Variants in ARHGAP24 observed in about 807,000 individuals in gnomAD.
ARHGAP24 encodes rho GTPase-activating protein 24.
In ARHGAP24, 50 loss-of-function variants were observed where a neutral mutation model predicts 76.4. The ratio of observed to expected loss-of-function variants is 0.65; its 90% CI spans 0.52 to 0.83. The LOEUF (loss-of-function observed/expected upper bound fraction) is 0.83. ARHGAP24 is among the 40% of genes least tolerant of loss of function. The pLI is 0.00. For missense variants in ARHGAP24, 930 were observed against 914.2 expected (o/e 1.02, Z -0.22); for synonymous variants, 345 against 323.3 (o/e 1.07, Z -0.72).
At chr4:85,610,885 G>A (rs114312908) in intron 2 of ARHGAP24, among the ~76,000 whole-genome samples, 2,808 of 152,172 alleles carry the variant, frequency 0.018, 40 homozygotes, top group Middle Eastern at 0.068. Flanking sequence ...TGGATTTGTC[G>A]AGGCTCTTGG....
At chr4:85,478,702 C>T (rs1283347519) in intron 1 of ARHGAP24, among the ~76,000 whole-genome samples, 1 of 152,086 alleles carries the variant, frequency 6.6e-6, no homozygotes, top group Non-Finnish European at 1.5e-5. Flanking sequence ...ACAAGGTCTC[C>T]TCACTGTTCA....
At chr4:85,907,664 G>A (rs1734843599) in intron 3 of ARHGAP24, among the ~76,000 whole-genome samples, 1 of 152,066 alleles carries the variant, frequency 6.6e-6, no homozygotes, top group Non-Finnish European at 1.5e-5. Flanking sequence ...TGCTTATATT[G>A]GGATTAGAAA....
At position 85,541,142 on chromosome 4, in the gene ARHGAP24, C is replaced by CTTTTTTTTT. The variant is rs70948733; in HGVS notation, c.-20-29359_-20-29351dup. 6.2e-4 allele frequency among the ~76,000 whole-genome samples: 31 copies of CTTTTTTTTT among 49,774 alleles called. 5 individuals are homozygous for CTTTTTTTTT. The highest frequency in any genetic ancestry group is 6.6e-4 in the Non-Finnish European group (21 of 31,852). 32.7% of individuals were successfully genotyped at this position (49,774 alleles called of 152,430 possible). A position where few individuals can be genotyped will look rare whatever the true frequency, so the allele number is the denominator to read the frequency against. On this transcript the variant is annotated intron_variant, in intron 1 of 9. Coordinates refer to ENST00000395184, the MANE Select transcript of ARHGAP24 (RefSeq NM_001025616.3). The stretch of plus-strand genomic sequence containing the variant: ...TGTGTCTTCTGCTAGCATCCATGAC[C>CTTTTTTTTT]TTTTTTTTTTTTTTTTTTTTTTTTT...
chr4:85,710,484 A>G (rs1724485699), intron 2 of ARHGAP24, among the ~76,000 whole-genome samples: 1 of 152,210 alleles, frequency 6.6e-6, no homozygotes, highest in Admixed American at 6.5e-5. Flanking sequence ...ATTAAACTAA[A>G]CAGCTTCTGC....
At chr4:85,939,081 G>T (rs1003341570) in intron 4 of ARHGAP24, among the ~76,000 whole-genome samples, 2 of 152,124 alleles carry the variant, frequency 1.3e-5, no homozygotes, top group Non-Finnish European at 2.9e-5. Context: ...CAAGTTACTT[G>T]ACCTTTCTGT....
In ARHGAP24 at chr4:85,691,319, C is replaced by T. The variant is rs528918452; in HGVS notation, c.181-30566C>T. 2.4e-4 allele frequency among the ~76,000 whole-genome samples: 36 copies of T among 152,080 alleles called. No homozygotes were observed. The South Asian group carries it at 6.0e-3, about 25-fold the overall frequency. ...ATATGCAGATGAGAAGAATGTATAT[C>T]CTATGGTTATTGGGTGTAGTGTTCT... On this transcript the variant is annotated intron_variant, in intron 2 of 9. Transcript: ENST00000395184.
chr4:85,974,055 A>G (rs1739177447), intron 6 of ARHGAP24, among the ~76,000 whole-genome samples: 1 of 137,078 alleles, frequency 7.3e-6, no homozygotes, highest in Non-Finnish European at 1.6e-5. Context: ...TGGGGGTTTC[A>G]CCTTGTTAGC....
intron 2 of ARHGAP24, among the ~76,000 whole-genome samples, chr4:85,687,378 A>C (rs553708940): frequency 6.6e-6 from 1 of 152,266 alleles, no homozygotes; most frequent in African/African-American, 2.4e-5. Flanking sequence ...TCACCCAGGT[A>C]ATAAGCATAG....
At chr4:85,733,062 T>TTTTTTA (rs1725474533) in intron 3 of ARHGAP24, among the ~76,000 whole-genome samples, 1 of 92,578 alleles carries the variant, frequency 1.1e-5, no homozygotes, top group Non-Finnish European at 2.2e-5. Context: ...CTCACCAACT[T>TTTTTTA]TTTTTTTTTT....
chr4:85,967,457 T>C (rs1738685077), intron 5 of ARHGAP24, among the ~76,000 whole-genome samples: 1 of 152,088 alleles, frequency 6.6e-6, no homozygotes, highest in Admixed American at 6.6e-5. Context: ...ATTAAGTCAA[T>C]CATAGGAAGC....
chr4:85,967,132 A>G lies in ARHGAP24; in HGVS notation c.600-4904A>G, dbSNP rs147199687. On this transcript the variant is annotated intron_variant, in intron 5 of 9. Transcript: ENST00000395184. ...CCTTGTTCAGATTAATAAGAGGCCT[A>G]TGTTGCACCTAGATGATAAGTAGGA... 5.6e-4 allele frequency among the ~76,000 whole-genome samples: 85 copies of G among 152,228 alleles called. 1 individual carries two copies. Among genetic ancestry groups the G allele is most frequent in the African/African-American group, 1.9e-3 (81 of 41,560 alleles).
At chr4:85,480,055 C>T (rs1407512779) in intron 1 of ARHGAP24, among the ~76,000 whole-genome samples, 1 of 152,132 alleles carries the variant, frequency 6.6e-6, no homozygotes, top group South Asian at 2.1e-4. Flanking sequence ...AATTACATAA[C>T]TGGAAATGTA....
intron 2 of ARHGAP24, among the ~76,000 whole-genome samples, chr4:85,586,811 T>C (rs1727881523): frequency 6.6e-6 from 1 of 152,052 alleles, no homozygotes; most frequent in Non-Finnish European, 1.5e-5. Flanking sequence ...GGCAGGAGAA[T>C]CGCTTGAACC....
intron 1 of ARHGAP24, among the ~76,000 whole-genome samples, chr4:85,487,248 A>G (rs1159092820): frequency 7.8e-6 from 1 of 127,602 alleles, no homozygotes; most frequent in African/African-American, 3.0e-5. Context: ...TATAGTAAAT[A>G]TATATTTATT....
rs986234673 is a variant in ARHGAP24, at chr4:85,733,315, G to A, written c.268+11343G>A. Among the ~76,000 whole-genome samples the A allele has an allele frequency of 4.6e-5, 7 of 151,236 alleles. No individual in the cohort carries two copies. The East Asian group carries it at 5.9e-4, about 13-fold the overall frequency. ...CCTGACCTCATGATCCACCTGCCTC[G>A]GCCTCCCAAAGTGCTGGGATTACAG... On this transcript the variant is annotated intron_variant, in intron 3 of 9. Transcript: ENST00000395184.
At chr4:85,603,954 A>G (rs1720112770) in intron 2 of ARHGAP24, among the ~76,000 whole-genome samples, 1 of 152,206 alleles carries the variant, frequency 6.6e-6, no homozygotes, top group Admixed American at 6.5e-5. Flanking sequence ...ATGAGCAAAA[A>G]GAATACTCAT....
intron 2 of ARHGAP24, among the ~76,000 whole-genome samples, chr4:85,605,717 C>T (rs1720171125): frequency 6.6e-6 from 1 of 152,096 alleles, no homozygotes; most frequent in African/African-American, 2.4e-5. Flanking sequence ...TGAAGATATA[C>T]AGGGGAATGT....
chr4:85,840,312 T>C (rs1257730761), intron 3 of ARHGAP24, among the ~76,000 whole-genome samples: 1 of 152,224 alleles, frequency 6.6e-6, no homozygotes, highest in Non-Finnish European at 1.5e-5. Flanking sequence ...AGTTCACAAT[T>C]ACTTAAGGAA....
chr4:85,594,276 G>T (rs1728227628), intron 2 of ARHGAP24, among the ~76,000 whole-genome samples: 2 of 152,016 alleles, frequency 1.3e-5, no homozygotes, highest in East Asian at 1.9e-4. Flanking sequence ...TACAGAAACA[G>T]AACTGATTTT....
Sources: gnomAD v4.1 joint callset for allele counts (sites outside exome capture counted in the v4.1 genomes callset) on GRCh38, gnomAD v4.1.1 for gene constraint, MANE v1.5 for transcripts, NCBI Gene and HGNC (gene_info 2026-07-23, HGNC 2026-07-21) for gene names.